PRIM2: variants seen among roughly 807,000 people sequenced by gnomAD.
The protein encoded by PRIM2 is DNA primase large subunit.
Under a neutral mutation model 67.3 loss-of-function variants are expected in PRIM2, and 39 were observed. The observed-to-expected ratio is 0.58, with a 90% CI of 0.45 to 0.76. The LOEUF is 0.76. Among genes scored for constraint, PRIM2 ranks in the 30% least tolerant of loss-of-function variants. The pLI is 0.00. For synonymous variants in PRIM2, 143 were observed against 198.7 expected (o/e 0.72, Z 2.36); for missense variants, 398 against 598.7 (o/e 0.66, Z 3.50).
chr6:57,611,217 T>G (rs1776660386), intron 12 of PRIM2, among the ~76,000 whole-genome samples: 1 of 152,210 alleles, frequency 6.6e-6, no homozygotes, highest in African/African-American at 2.4e-5. Context: ...ATTAGTTTGC[T>G]GCAAACATAA....
At chr6:57,225,347 T>G in the PRIM2 span, among the ~76,000 whole-genome samples, 1 of 152,346 alleles carries the variant, frequency 6.6e-6, no homozygotes, top group Non-Finnish European at 1.5e-5. Flanking sequence ...AAAGTCTACT[T>G]TTTATTTGAC....
At chr6:57,477,854 A>G (rs1773512137) in intron 7 of PRIM2, among the ~76,000 whole-genome samples, 1 of 152,214 alleles carries the variant, frequency 6.6e-6, no homozygotes, top group Non-Finnish European at 1.5e-5. Context: ...TTTAAAAAGT[A>G]TTATAACCCC....
intron 1 of PRIM2, 66 bp downstream of exon 1, chr6:57,317,767 G>C (rs1262793366): frequency 2.6e-5 from 4 of 152,782 alleles, no homozygotes; most frequent in African/African-American, 9.6e-5. Flanking sequence ...CAAGTCGAGA[G>C]AAAGGAGAGA....
At chr6:57,427,381 C>T (rs1404591699) in intron 7 of PRIM2, among the ~76,000 whole-genome samples, 6 of 152,096 alleles carry the variant, frequency 3.9e-5, no homozygotes, top group African/African-American at 7.2e-5. Flanking sequence ...TGCAGTGGCC[C>T]GATCTCAGCT....
chr6:57,521,342 G>A (rs1432059197), intron 8 of PRIM2, among the ~76,000 whole-genome samples: 1 of 139,574 alleles, frequency 7.2e-6, no homozygotes, highest in Non-Finnish European at 1.5e-5. Flanking sequence ...CTAAATGTCT[G>A]AGTGGCTTAG....
the PRIM2 span, among the ~76,000 whole-genome samples, chr6:57,255,755 TC>T: frequency 3.4e-4 from 32 of 94,260 alleles, no homozygotes; most frequent in Non-Finnish European, 5.6e-4. Flanking sequence ...GTTAGAATGA[TC>T]ATAAAAAAAC....
intron 12 of PRIM2, among the ~76,000 whole-genome samples, chr6:57,626,135 G>A (rs1776946338): frequency 6.6e-6 from 1 of 152,234 alleles, no homozygotes; most frequent in Non-Finnish European, 1.5e-5. Flanking sequence ...ATACCTAGCT[G>A]TACAGTGCTC....
At chr6:57,640,185 T>A (rs1487017952) in intron 13 of PRIM2, among the ~76,000 whole-genome samples, 2 of 151,986 alleles carry the variant, frequency 1.3e-5, no homozygotes, top group East Asian at 1.9e-4. Context: ...AAATTCAACA[T>A]CCCTTCATGC....
intron 7 of PRIM2, among the ~76,000 whole-genome samples, chr6:57,490,779 T>C (rs1773870003): frequency 1.3e-5 from 2 of 152,210 alleles, no homozygotes; most frequent in Admixed American, 1.3e-4. Flanking sequence ...ATATATTTTT[T>C]ATTTTTGAAG....
intron 13 of PRIM2, among the ~76,000 whole-genome samples, chr6:57,638,575 G>GAAAAAA (rs1777164425): frequency 8.2e-5 from 1 of 12,122 alleles, no homozygotes; most frequent in Non-Finnish European, 1.5e-4. Flanking sequence ...CAAACAGAAA[G>GAAAAAA]CAAAAAAAAA....
At chr6:57,241,304 G>T in the PRIM2 span, among the ~76,000 whole-genome samples, 1 of 152,008 alleles carries the variant, frequency 6.6e-6, no homozygotes, top group Non-Finnish European at 1.5e-5. Flanking sequence ...AGCTACTCAG[G>T]AGGCTGAGAC....
chr6:57,380,043 C>T (rs1217091974), intron 6 of PRIM2, 47 bp downstream of exon 6: 1 of 1,463,190 alleles, frequency 6.8e-7, no homozygotes. Flanking sequence ...AAATATGTCG[C>T]ATTGAGCTTT....
intron 5 of PRIM2, among the ~76,000 whole-genome samples, chr6:57,363,710 T>G (rs1357323367): frequency 6.6e-6 from 1 of 152,222 alleles, no homozygotes; most frequent in African/African-American, 2.4e-5. Context: ...TTTGTTTGAT[T>G]TAAATATTCT....
chr6:57,618,099 T>A (rs1776786398), intron 12 of PRIM2, among the ~76,000 whole-genome samples: 1 of 152,238 alleles, frequency 6.6e-6, no homozygotes, highest in South Asian at 2.1e-4. Flanking sequence ...TCTATATGTC[T>A]GTCCTTATGC....
intron 10 of PRIM2, among the ~76,000 whole-genome samples, chr6:57,549,004 T>A (rs1379067317): frequency 6.6e-6 from 1 of 152,096 alleles, no homozygotes; most frequent in Non-Finnish European, 1.5e-5. Flanking sequence ...TAACTAATAT[T>A]CTACATACAC....
At chr6:57,321,033 C>A (rs1354590769) in intron 3 of PRIM2, among the ~76,000 whole-genome samples, 1 of 152,122 alleles carries the variant, frequency 6.6e-6, no homozygotes, top group Non-Finnish European at 1.5e-5. Context: ...ATTAGATTTT[C>A]ATTTTGGGAA....
the PRIM2 span, among the ~76,000 whole-genome samples, chr6:57,274,429 G>A: frequency 6.6e-6 from 1 of 152,252 alleles, no homozygotes; most frequent in Non-Finnish European, 1.5e-5. Flanking sequence ...CTCTGAGCCA[G>A]GTGTGGGACA....
intron 7 of PRIM2, among the ~76,000 whole-genome samples, chr6:57,418,234 A>C (rs188343674): frequency 1.1e-3 from 170 of 152,204 alleles, no homozygotes; most frequent in Middle Eastern, 3.4e-3. Context: ...GGGAGATTTT[A>C]GGGAGGAAAC....
chr6:57,316,240 A>G (rs1253598314), upstream of PRIM2, among the ~76,000 whole-genome samples: 1 of 152,200 alleles, frequency 6.6e-6, no homozygotes, highest in Non-Finnish European at 1.5e-5. Context: ...GCTTGCCAAC[A>G]TGGTGAAACC....
Sources: allele counts gnomAD v4.1 joint callset (sites outside exome capture counted in the v4.1 genomes callset), GRCh38; gene constraint gnomAD v4.1.1; transcripts MANE v1.5; gene names NCBI Gene and HGNC (gene_info 2026-07-23, HGNC 2026-07-21).